Variants in CUL3 observed in about 807,000 individuals in gnomAD.
CUL3 encodes the protein cullin 3, also known as cullin-3.
A neutral mutation model predicts 89.1 loss-of-function variants in CUL3; 19 were observed. The ratio of observed to expected loss-of-function variants is 0.21; its 90% CI spans 0.15 to 0.31. The LOEUF (loss-of-function observed/expected upper bound fraction) is 0.31, where lower values mean the gene tolerates loss of function less well. Among genes scored for constraint, CUL3 ranks in the 10% least tolerant of loss-of-function variants. The probability of loss-of-function intolerance (pLI) is 1.00; values close to 1 mark genes in which losing one functional copy is unlikely to be tolerated. For missense variants in CUL3, 469 were observed against 942.3 expected (o/e 0.50, Z 6.58); for synonymous variants, 351 against 308.4 (o/e 1.14, Z -1.45).
chr2:224,546,083 G>A (rs898195595), intron 2 of CUL3, among the ~76,000 whole-genome samples: 6 of 152,232 alleles, frequency 3.9e-5, no homozygotes, highest in African/African-American at 1.4e-4. Flanking sequence ...AAAGAAAAAT[G>A]ACAGTACACC....
At chr2:224,538,199 T>C (rs1487856491) in intron 2 of CUL3, among the ~76,000 whole-genome samples, 1 of 152,196 alleles carries the variant, frequency 6.6e-6, no homozygotes, top group African/African-American at 2.4e-5. Context: ...ATGAATGCCT[T>C]AGATACACTG....
At chr2:224,538,295 GATT>G (rs1254233213) in intron 2 of CUL3, among the ~76,000 whole-genome samples, 1 of 152,138 alleles carries the variant, frequency 6.6e-6, no homozygotes, top group African/African-American at 2.4e-5. Flanking sequence ...AAAGTGAACA[GATT>G]ATTTATTCAA....
intron 1 of CUL3, among the ~76,000 whole-genome samples, chr2:224,584,207 C>T (rs769491158): frequency 3.3e-5 from 5 of 152,138 alleles, no homozygotes; most frequent in African/African-American, 4.8e-5. Context: ...CTCCGCAAGG[C>T]GACTACACTC....
chr2:224,551,623 C>T (rs1032934526), intron 2 of CUL3, among the ~76,000 whole-genome samples: 9 of 151,622 alleles, frequency 5.9e-5, no homozygotes, highest in Non-Finnish European at 1.3e-4. Context: ...GGATTATAGG[C>T]GTGAGCCACT....
chr2:224,521,905 T>C (rs1437827497), intron 3 of CUL3, among the ~76,000 whole-genome samples: 2 of 152,182 alleles, frequency 1.3e-5, no homozygotes, highest in African/African-American at 2.4e-5. Context: ...TTCAGTTTCT[T>C]ATCCTCATAC....
chr2:224,528,343 C>T (rs531651811), intron 3 of CUL3, among the ~76,000 whole-genome samples: 7 of 152,254 alleles, frequency 4.6e-5, no homozygotes, highest in South Asian at 2.1e-4. Flanking sequence ...ACAATCATAT[C>T]GCCTTTTTTC....
intron 13 of CUL3, 35 bp downstream of exon 13, chr2:224,495,797 A>G (rs575580517): frequency 7.7e-6 from 12 of 1,553,556 alleles, no homozygotes; most frequent in East Asian, 4.5e-5. Flanking sequence ...AGTTAGAAAC[A>G]ACACAGTTAA....
chr2:224,548,693 C>T (rs1694395757), intron 2 of CUL3, among the ~76,000 whole-genome samples: 1 of 152,126 alleles, frequency 6.6e-6, no homozygotes, highest in Non-Finnish European at 1.5e-5. Flanking sequence ...TAAAGTTTCT[C>T]CCCTGACTTC....
chr2:224,477,028 G>A (rs1012704192), intron 15 of CUL3, among the ~76,000 whole-genome samples: 2 of 152,142 alleles, frequency 1.3e-5, no homozygotes, highest in Non-Finnish European at 2.9e-5. Flanking sequence ...AACCTGTCAC[G>A]TAATTGCCAA....
chr2:224,489,327 CAGATTACATAATTGTGTATTTGG>C (rs1369494983), intron 13 of CUL3, among the ~76,000 whole-genome samples: 14 of 152,174 alleles, frequency 9.2e-5, no homozygotes, highest in African/African-American at 3.4e-4. Context: ...TCTCTGTTTG[CAGATTACATAATTGTGTATTTGG>C]AAAACCCCAT....
chr2:224,512,639 A>G (rs919884600), intron 5 of CUL3, among the ~76,000 whole-genome samples: 1 of 152,206 alleles, frequency 6.6e-6, no homozygotes, highest in Admixed American at 6.5e-5. Context: ...TTCTATCAAT[A>G]GTACCATTGG....
chr2:224,503,450 A>G (rs557899054), intron 9 of CUL3, among the ~76,000 whole-genome samples: 17 of 152,318 alleles, frequency 1.1e-4, no homozygotes, highest in African/African-American at 3.8e-4. Context: ...TGACACACCA[A>G]CAGAAATTCC....
intron 6 of CUL3, among the ~76,000 whole-genome samples, chr2:224,509,269 A>G (rs953715115): frequency 6.6e-6 from 1 of 152,146 alleles, no homozygotes; most frequent in African/African-American, 2.4e-5. Context: ...GCTGGAGTGC[A>G]GTGGCATCAT....
chr2:224,552,899 G>T (rs964230833), intron 2 of CUL3, among the ~76,000 whole-genome samples: 1 of 152,194 alleles, frequency 6.6e-6, no homozygotes, highest in Non-Finnish European at 1.5e-5. Flanking sequence ...TATTCTGTGA[G>T]ATTAAAGATA....
intron 3 of CUL3, among the ~76,000 whole-genome samples, chr2:224,515,043 CA>C (rs1229147970): frequency 2.0e-5 from 3 of 152,076 alleles, no homozygotes; most frequent in East Asian, 3.9e-4. Flanking sequence ...AAGAAAAAAA[CA>C]GAGTAAAAAA....
chr2:224,505,607 CTTTTTTT>C (rs535349689), intron 8 of CUL3: 1 of 155,290 alleles, frequency 6.4e-6, no homozygotes, highest in Non-Finnish European at 1.4e-5. Context: ...TTTCTTTTTT[CTTTTTTT>C]TTGTAGAGAT....
intron 11 of CUL3, among the ~76,000 whole-genome samples, chr2:224,498,264 C>A (rs1692243215): frequency 6.6e-6 from 1 of 152,098 alleles, no homozygotes; most frequent in Non-Finnish European, 1.5e-5. Flanking sequence ...ATAAAATATT[C>A]CTCTGGGAAA....
intron 1 of CUL3, among the ~76,000 whole-genome samples, chr2:224,574,350 T>C (rs1400105517): frequency 6.6e-6 from 1 of 152,210 alleles, no homozygotes; most frequent in Non-Finnish European, 1.5e-5. Flanking sequence ...TGCTGTCTAG[T>C]AGCAACAGAT....
intron 8 of CUL3, 82 bp from the exon 9 acceptor site, chr2:224,503,904 A>T (rs2106198187): frequency 9.3e-7 from 1 of 1,072,330 alleles, no homozygotes; most frequent in Non-Finnish European, 1.3e-6. Flanking sequence ...GCTTAAAAAC[A>T]CTATTGTTTG....
Sources: allele counts gnomAD v4.1 joint callset (sites outside exome capture counted in the v4.1 genomes callset), GRCh38; gene constraint gnomAD v4.1.1; transcripts MANE v1.5; gene names NCBI Gene and HGNC (gene_info 2026-07-23, HGNC 2026-07-21).